Variants in LRRC49 observed in about 807,000 individuals in gnomAD.
The protein encoded by LRRC49 is leucine-rich repeat-containing protein 49.
LRRC49 carries 50 observed loss-of-function variants against 83.3 expected under a neutral mutation model. That is an observed-to-expected ratio of 0.60 (90% CI 0.48 to 0.76). The LOEUF (loss-of-function observed/expected upper bound fraction) is 0.76, where lower values mean the gene tolerates loss of function less well. Ranked by LOEUF, LRRC49 falls within the 30% of genes least tolerant of loss-of-function variation. The pLI is 0.00. For missense variants in LRRC49, 704 were observed against 809.1 expected (o/e 0.87, Z 1.58); for synonymous variants, 286 against 283.3 (o/e 1.01, Z -0.10).
chr15:70,965,369 A>G (rs1348509686), intron 9 of LRRC49, among the ~76,000 whole-genome samples: 1 of 152,128 alleles, frequency 6.6e-6, no homozygotes, highest in African/African-American at 2.4e-5. Flanking sequence ...CTCACACCAC[A>G]TTGAACTTTT....
intron 7 of LRRC49, among the ~76,000 whole-genome samples, chr15:70,933,529 C>T (rs1241522711): frequency 6.6e-6 from 1 of 152,136 alleles, no homozygotes; most frequent in Non-Finnish European, 1.5e-5. Flanking sequence ...TCCCTAACCC[C>T]CATTTCCACT....
chr15:71,007,780 GTTTC>G (rs2038511790), intron 11 of LRRC49, among the ~76,000 whole-genome samples: 1 of 140,504 alleles, frequency 7.1e-6, no homozygotes, highest in African/African-American at 2.7e-5. Context: ...CCTTTTCACT[GTTTC>G]TTATTTCAAA....
chr15:71,050,944 A>G lies in LRRC49; in HGVS notation c.*1332A>G, dbSNP rs2039986866. On this transcript the variant is annotated 3_prime_UTR_variant, in exon 16 of 16. Coordinates refer to ENST00000260382, the MANE Select transcript of LRRC49 (RefSeq NM_017691.5). ...AAGCTCCGCTTCCCAGGTTCACGCC[A>G]TTCTCCTGCCTCAGCCTCCCAAGTA... 1 of 151,302 alleles carries G rather than the reference A, an allele frequency of 6.6e-6. No homozygotes were observed. Among genetic ancestry groups the G allele is most frequent in the South Asian group, 2.1e-4 (1 of 4,780 alleles). 9.4% of individuals were successfully genotyped at this position (151,302 alleles called of 1,614,324 possible). A position where few individuals can be genotyped will look rare whatever the true frequency, so the allele number is the denominator to read the frequency against.
chr15:70,940,231 C>A (rs1027001630), intron 8 of LRRC49, among the ~76,000 whole-genome samples: 5 of 150,408 alleles, frequency 3.3e-5, no homozygotes, highest in African/African-American at 1.2e-4. Flanking sequence ...AATTATTTCA[C>A]TGACCTTCAG....
At chr15:71,001,300 C>T (rs148967646) in intron 11 of LRRC49, among the ~76,000 whole-genome samples, 1 of 152,244 alleles carries the variant, frequency 6.6e-6, no homozygotes, top group African/African-American at 2.4e-5. Flanking sequence ...TGCAATGCCA[C>T]TCTGTGAGAC....
At chr15:70,933,422 A>T (rs1314939095) in intron 7 of LRRC49, among the ~76,000 whole-genome samples, 1 of 152,276 alleles carries the variant, frequency 6.6e-6, no homozygotes, top group African/African-American at 2.4e-5. Context: ...ATGCTGAAAT[A>T]GTTACCTCCA....
chr15:70,919,315 T>A, intron 7 of LRRC49, 122 bp downstream of exon 7: 1 of 871,574 alleles, frequency 1.1e-6, no homozygotes, highest in Non-Finnish European at 1.7e-6. Context: ...TTTCTGAATT[T>A]AAATTGTGGA....
At chr15:70,884,816 C>A (rs2033362812) in intron 2 of LRRC49, among the ~76,000 whole-genome samples, 1 of 152,068 alleles carries the variant, frequency 6.6e-6, no homozygotes, top group Admixed American at 6.5e-5. Flanking sequence ...ACATTTTTTA[C>A]TGCAAAAATT....
chr15:70,868,706 G>T (rs2032963455), intron 1 of LRRC49, among the ~76,000 whole-genome samples: 1 of 152,160 alleles, frequency 6.6e-6, no homozygotes, highest in Non-Finnish European at 1.5e-5. Flanking sequence ...TTTAAACTTG[G>T]GTCACCCCAA....
chr15:70,963,726 A>G, intron 8 of LRRC49, 59 bp from the exon 9 acceptor site: 1 of 1,535,422 alleles, frequency 6.5e-7, no homozygotes, highest in East Asian at 2.3e-5. Flanking sequence ...AGTCTATTAA[A>G]AATGAAAGTA....
At chr15:71,023,659 C>T (rs1056101925) in intron 14 of LRRC49, among the ~76,000 whole-genome samples, 2 of 152,212 alleles carry the variant, frequency 1.3e-5, no homozygotes, top group African/African-American at 4.8e-5. Flanking sequence ...ATTGTGCTAC[C>T]CTGCCTGGGA....
intron 2 of LRRC49, among the ~76,000 whole-genome samples, chr15:70,884,702 T>A (rs1396555004): frequency 6.6e-6 from 1 of 152,164 alleles, no homozygotes; most frequent in African/African-American, 2.4e-5. Flanking sequence ...AAGTCCAGAA[T>A]AAACACATAT....
At chr15:71,021,364 T>G (rs1346867352) in intron 14 of LRRC49, among the ~76,000 whole-genome samples, 1 of 152,164 alleles carries the variant, frequency 6.6e-6, no homozygotes, top group Non-Finnish European at 1.5e-5. Context: ...GTAATTTCTA[T>G]GGTAACCAAA....
At chr15:71,042,635 A>G (rs935258499) in intron 15 of LRRC49, among the ~76,000 whole-genome samples, 1 of 152,170 alleles carries the variant, frequency 6.6e-6, no homozygotes, top group Non-Finnish European at 1.5e-5. Context: ...TCTCTCTTCC[A>G]TACATCCTGA....
chr15:70,892,816 T>G, upstream of LRRC49: 1 of 1,613,800 alleles, frequency 6.2e-7, no homozygotes, highest in East Asian at 2.2e-5. Context: ...GGAGATGACC[T>G]CTTTCGGGTC....
At chr15:71,013,166 T>C (rs1298416335) in intron 14 of LRRC49, among the ~76,000 whole-genome samples, 2 of 152,110 alleles carry the variant, frequency 1.3e-5, no homozygotes, top group Non-Finnish European at 2.9e-5. Context: ...GGGAGGGCTG[T>C]AGGAGGGACT....
rs906150475 is a variant in LRRC49 at position 71,037,787 on chromosome 15, T to A, written c.1857+455T>A. Among the ~76,000 whole-genome samples the A allele has an allele frequency of 4.6e-5, 7 of 152,178 alleles. No homozygotes were observed. The East Asian group carries it at 5.8e-4, about 13-fold the overall frequency. On this transcript the variant is annotated intron_variant, in intron 15 of 15. Coordinates refer to ENST00000260382, the MANE Select transcript of LRRC49 (RefSeq NM_017691.5). ...ACCTTTCATTCTACACCATTTTTTT[T>A]ATGATTACTTAATCATATAATTTCA...
Position 70,901,035 on chromosome 15 carries a change from T to C in LRRC49, c.296+11T>C. ...GTTGAGCCTAGAAAGGTGAGGACAATTTCTTTTCTTTTCTTTTTTTTGACT... is the reference window on the plus strand; with the variant it reads ...GTTGAGCCTAGAAAGGTGAGGACAACTTCTTTTCTTTTCTTTTTTTTGACT... On this transcript the variant is annotated intron_variant, in intron 4 of 15. Transcript: ENST00000260382. 6.7e-7 allele frequency: 1 copy of C among 1,500,118 alleles called. No homozygotes were observed. The allele number at this position is 1,500,118 out of a possible 1,614,324, so 92.9% of individuals were successfully genotyped here. A position where few individuals can be genotyped will look rare whatever the true frequency, so the allele number is the denominator to read the frequency against.
intron 8 of LRRC49, among the ~76,000 whole-genome samples, chr15:70,960,559 C>T (rs1404687916): frequency 6.6e-6 from 1 of 152,098 alleles, no homozygotes; most frequent in Non-Finnish European, 1.5e-5. Flanking sequence ...GTAATCATGA[C>T]AGTGTGGTAT....
Sources: gnomAD v4.1 joint callset for allele counts (sites outside exome capture counted in the v4.1 genomes callset) on GRCh38, gnomAD v4.1.1 for gene constraint, MANE v1.5 for transcripts, NCBI Gene and HGNC (gene_info 2026-07-23, HGNC 2026-07-21) for gene names.